The following ASIC2 variants were observed in gnomAD, a reference collection of about 807,000 sequenced individuals.
ASIC2 encodes acid sensing ion channel subunit 2, also known as acid-sensing ion channel 2.
A neutral mutation model predicts 57.3 loss-of-function variants in ASIC2; 25 were observed. The observed-to-expected ratio is 0.44, with a 90% CI of 0.32 to 0.61. ASIC2 has a LOEUF of 0.61. Ranked by LOEUF, ASIC2 falls within the 20% of genes least tolerant of loss-of-function variation. The probability of loss-of-function intolerance (pLI) is 0.06; values close to 1 mark genes in which losing one functional copy is unlikely to be tolerated. For missense variants in ASIC2, 641 were observed against 738.1 expected (o/e 0.87, Z 1.52); for synonymous variants, 319 against 307.5 (o/e 1.04, Z -0.39).
chr17:33,256,894 A>G (rs1327588632), intron 1 of ASIC2, among the ~76,000 whole-genome samples: 1 of 152,070 alleles, frequency 6.6e-6, no homozygotes, highest in Non-Finnish European at 1.5e-5. Context: ...GGAATATGGG[A>G]GGAGGCCATT....
intron 1 of ASIC2, among the ~76,000 whole-genome samples, chr17:33,767,109 T>C (rs189588733): frequency 1.3e-5 from 2 of 152,382 alleles, no homozygotes; most frequent in East Asian, 3.9e-4. Flanking sequence ...TCTGCTCTGC[T>C]GACCTTGGAT....
At chr17:33,629,726 A>G (rs1217535971) in intron 1 of ASIC2, among the ~76,000 whole-genome samples, 6 of 152,160 alleles carry the variant, frequency 3.9e-5, no homozygotes, top group African/African-American at 1.2e-4. Context: ...CTTACTTGAA[A>G]AGTGATAGAG....
intron 1 of ASIC2, among the ~76,000 whole-genome samples, chr17:33,154,766 A>G (rs1386310352): frequency 6.6e-6 from 1 of 152,188 alleles, no homozygotes; most frequent in Non-Finnish European, 1.5e-5. Context: ...ATAAAATCGC[A>G]CTTTTTATTC....
intron 1 of ASIC2, among the ~76,000 whole-genome samples, chr17:33,313,467 G>A (rs747486938): frequency 3.3e-5 from 5 of 152,158 alleles, no homozygotes; most frequent in Non-Finnish European, 7.3e-5. Flanking sequence ...GGAATTGGTT[G>A]TTCCATCATC....
chr17:33,611,677 A>G (rs1236896503), intron 1 of ASIC2, among the ~76,000 whole-genome samples: 2 of 152,362 alleles, frequency 1.3e-5, no homozygotes, highest in Middle Eastern at 6.8e-3. Context: ...CTCATGGCAG[A>G]TCACAGGGGT....
intron 3 of ASIC2, among the ~76,000 whole-genome samples, chr17:33,041,401 A>G (rs559767540): frequency 2.0e-4 from 30 of 152,126 alleles, no homozygotes; most frequent in Non-Finnish European, 3.1e-4. Flanking sequence ...GCCTGTCCTA[A>G]TTGCCATCCT....
intron 1 of ASIC2, among the ~76,000 whole-genome samples, chr17:33,503,977 G>C (rs936781688): frequency 6.6e-6 from 1 of 152,210 alleles, no homozygotes; most frequent in Non-Finnish European, 1.5e-5. Context: ...ATGGGGAAGG[G>C]GCAAATGAGG....
chr17:33,704,130 G>A (rs1908791486), intron 1 of ASIC2, among the ~76,000 whole-genome samples: 1 of 152,144 alleles, frequency 6.6e-6, no homozygotes, highest in African/African-American at 2.4e-5. Context: ...CAGCAACCAC[G>A]GTGACCATAC....
chr17:33,938,421 C>G (rs564011415), intron 1 of ASIC2, among the ~76,000 whole-genome samples: 1 of 152,246 alleles, frequency 6.6e-6, no homozygotes, highest in African/African-American at 2.4e-5. Flanking sequence ...GGCTCTGAAC[C>G]CTTACCAGCT....
chr17:33,450,924 C>A (rs952291045), intron 1 of ASIC2, among the ~76,000 whole-genome samples: 1 of 152,190 alleles, frequency 6.6e-6, no homozygotes, highest in East Asian at 1.9e-4. Flanking sequence ...TCCATGCCAA[C>A]ATATCCAACT....
chr17:33,269,653 T>C (rs1904378558), intron 1 of ASIC2, among the ~76,000 whole-genome samples: 1 of 81,942 alleles, frequency 1.2e-5, no homozygotes, highest in Admixed American at 1.4e-4. Flanking sequence ...CTTCCTTCCT[T>C]CCTTCCTTCC....
At chr17:33,324,610 C>A (rs1453366410) in intron 1 of ASIC2, among the ~76,000 whole-genome samples, 1 of 152,128 alleles carries the variant, frequency 6.6e-6, no homozygotes, top group Non-Finnish European at 1.5e-5. Context: ...TGCTGCTTCC[C>A]GAGGAAGCCT....
rs1044780621 is a variant in ASIC2, at chr17:34,038,413, C to A, written c.555+117565G>T. ...GAATCCGGTATTCCCTACATGCATGCTTGTGGTAATTCTCCTTTTTCTCAT... is the reference window on the plus strand; with the variant it reads ...GAATCCGGTATTCCCTACATGCATGATTGTGGTAATTCTCCTTTTTCTCAT... On this transcript the variant is annotated intron_variant, in intron 1 of 9. Coordinates refer to the ASIC2 transcript ENST00000359872. 19 of 1,612,152 alleles carry A rather than the reference C, an allele frequency of 1.2e-5. No homozygotes were observed. In the Admixed American group the frequency reaches 3.2e-4, roughly 27 times the overall value.
chr17:33,324,595 G>A (rs555719774), intron 1 of ASIC2, among the ~76,000 whole-genome samples: 106 of 152,264 alleles, frequency 7.0e-4, no homozygotes, highest in East Asian at 1.4e-3. Context: ...CCAAGACTGG[G>A]TGCCTGCTGC....
intron 1 of ASIC2, among the ~76,000 whole-genome samples, chr17:34,108,033 C>A (rs9892028): frequency 0.9 from 136,375 of 152,146 alleles, 61,491 homozygotes; most frequent in African/African-American, 0.98. Context: ...AGATATGTGG[C>A]TATTTCCTTA....
chr17:33,799,988 C>G (rs1912085153), intron 1 of ASIC2, among the ~76,000 whole-genome samples: 1 of 152,168 alleles, frequency 6.6e-6, no homozygotes, highest in African/African-American at 2.4e-5. Context: ...TCACTAGGTG[C>G]TTCCTTATTA....
chr17:33,044,469 T>C (rs1424385416), intron 3 of ASIC2, among the ~76,000 whole-genome samples: 1 of 152,196 alleles, frequency 6.6e-6, no homozygotes, highest in African/African-American at 2.4e-5. Flanking sequence ...GCCTCCTGGC[T>C]TCAAGCGATT....
At chr17:33,086,811 C>T (rs2092135653) in intron 3 of ASIC2, among the ~76,000 whole-genome samples, 1 of 152,154 alleles carries the variant, frequency 6.6e-6, no homozygotes, top group Non-Finnish European at 1.5e-5. Flanking sequence ...GGGTAGGAGC[C>T]TAACTAACTT....
intron 1 of ASIC2, among the ~76,000 whole-genome samples, chr17:33,354,045 G>T (rs1378133933): frequency 6.6e-6 from 1 of 152,134 alleles, no homozygotes; most frequent in Middle Eastern, 3.2e-3. Flanking sequence ...ACATGGTGCG[G>T]GCAAGAGGGC....
Sources: allele counts gnomAD v4.1 joint callset (sites outside exome capture counted in the v4.1 genomes callset), GRCh38; gene constraint gnomAD v4.1.1; transcripts MANE v1.5; gene names NCBI Gene and HGNC (gene_info 2026-07-23, HGNC 2026-07-21).